Variants in CMIP observed in about 807,000 individuals in gnomAD.
CMIP encodes C-Maf-inducing protein.
A neutral mutation model predicts 97.3 loss-of-function variants in CMIP; 13 were observed. That is an observed-to-expected ratio of 0.13 (90% CI 0.09 to 0.21). CMIP has a LOEUF of 0.21. Among genes scored for constraint, CMIP ranks in the 10% least tolerant of loss-of-function variants. The pLI is 1.00. For synonymous variants in CMIP, 538 were observed against 436.3 expected (o/e 1.23, Z -2.91); for missense variants, 847 against 1,024.9 (o/e 0.83, Z 2.37).
chr16:81,476,115 C>A, intron 1 of CMIP: 1 of 875,798 alleles, frequency 1.1e-6, no homozygotes, highest in Non-Finnish European at 1.9e-6. Flanking sequence ...ACAGTCTTCA[C>A]GTCTTCTTTC....
At chr16:81,591,501 A>G (rs2091466394) in intron 1 of CMIP, among the ~76,000 whole-genome samples, 3 of 152,210 alleles carry the variant, frequency 2.0e-5, no homozygotes, top group Non-Finnish European at 4.4e-5. Flanking sequence ...TTCAAAGACA[A>G]ATGAGCTGCA....
intron 3 of CMIP, among the ~76,000 whole-genome samples, chr16:81,644,883 C>G (rs151108996): frequency 2.3e-3 from 343 of 152,270 alleles, no homozygotes; most frequent in Middle Eastern, 6.8e-3. Flanking sequence ...GCCCTTTCCT[C>G]GGGCCGAACG....
At chr16:81,551,209 G>A (rs1427070625) in intron 1 of CMIP, among the ~76,000 whole-genome samples, 12 of 121,356 alleles carry the variant, frequency 9.9e-5, no homozygotes, top group East Asian at 2.6e-4. Flanking sequence ...TCCATCACAC[G>A]CACCCCAGTT....
At position 81,505,337 on chromosome 16, in the gene CMIP, ATGT is replaced by A. The variant is rs1249224337; in HGVS notation, c.300+59804_300+59806del. On this transcript the variant is annotated intron_variant, in intron 1 of 20. Coordinates refer to ENST00000537098, the MANE Select transcript of CMIP (RefSeq NM_198390.3). ...AGAGAACTGGGCCTGTGTGGAGGCCATGTTGTTGTTTCGCTTCTGCCTGTTCTT... is the reference window on the plus strand; with the variant it reads ...AGAGAACTGGGCCTGTGTGGAGGCCATGTTGTTTCGCTTCTGCCTGTTCTT... 3.3e-5 allele frequency among the ~76,000 whole-genome samples: 5 copies of A among 152,160 alleles called. No individual in the cohort carries two copies. In the East Asian group the frequency reaches 5.8e-4, roughly 18 times the overall value.
chr16:81,527,069 G>C (rs529677425), intron 1 of CMIP, among the ~76,000 whole-genome samples: 2 of 152,310 alleles, frequency 1.3e-5, no homozygotes, highest in African/African-American at 4.8e-5. Flanking sequence ...CAACACGCGC[G>C]GGCCAGGCAG....
chr16:81,597,600 G>T (rs1023170363), intron 1 of CMIP, among the ~76,000 whole-genome samples: 17 of 151,680 alleles, frequency 1.1e-4, no homozygotes, highest in East Asian at 3.9e-4. Flanking sequence ...GAGCGGGGGG[G>T]GGGGAGTCTC....
At chr16:81,574,257 G>C (rs2091149617) in intron 1 of CMIP, among the ~76,000 whole-genome samples, 1 of 152,196 alleles carries the variant, frequency 6.6e-6, no homozygotes. Flanking sequence ...CTGTGAATCT[G>C]ATAACCCCAC....
chr16:81,557,605 C>A (rs141214899), intron 1 of CMIP, among the ~76,000 whole-genome samples: 3 of 152,100 alleles, frequency 2.0e-5, no homozygotes, highest in Non-Finnish European at 4.4e-5. Context: ...GACCTCGTTT[C>A]TACAGAAAAA....
intron 10 of CMIP, among the ~76,000 whole-genome samples, chr16:81,684,045 G>C (rs924775681): frequency 6.6e-6 from 1 of 152,212 alleles, no homozygotes; most frequent in African/African-American, 2.4e-5. Context: ...ACAGGCGTGA[G>C]CCACCACGCC....
At position 81,504,975 on chromosome 16, in the gene CMIP, C is replaced by A. The variant is rs540467335; in HGVS notation, c.300+59434C>A. 1.5e-4 allele frequency among the ~76,000 whole-genome samples: 23 copies of A among 152,380 alleles called. No individual in the cohort carries two copies. The East Asian group carries it at 4.2e-3, about 28-fold the overall frequency. On this transcript the variant is annotated intron_variant, in intron 1 of 20. Coordinates refer to ENST00000537098, the MANE Select transcript of CMIP (RefSeq NM_198390.3). Reference sequence around the variant, plus strand: ...TGCTTTAGACCCTGCTCTTTTGACCCCTTGAATCAGCCAGTGAGGCTGGGC... The same window carrying A: ...TGCTTTAGACCCTGCTCTTTTGACCACTTGAATCAGCCAGTGAGGCTGGGC...
At chr16:81,500,184 C>A (rs56823429) in intron 1 of CMIP, among the ~76,000 whole-genome samples, 117,811 of 151,922 alleles carry the variant, frequency 0.78, 46,220 homozygotes, top group African/African-American at 0.89. Flanking sequence ...GTGAACATGA[C>A]GCCATGGGCT....
chr16:81,605,225 C>A (rs900787625), intron 1 of CMIP, among the ~76,000 whole-genome samples: 1 of 152,176 alleles, frequency 6.6e-6, no homozygotes. Context: ...GGCAGGCCCA[C>A]GAGTGTGACT....
intron 1 of CMIP, among the ~76,000 whole-genome samples, chr16:81,454,112 C>T (rs1303180158): frequency 6.6e-6 from 1 of 152,146 alleles, no homozygotes; most frequent in East Asian, 1.9e-4. Flanking sequence ...GCATTTCGGC[C>T]AAGCTTGCAG....
At position 81,591,004 on chromosome 16, in the gene CMIP, C is replaced by T. The variant is rs1048822050; in HGVS notation, c.301-16563C>T. Among the ~76,000 whole-genome samples the T allele has an allele frequency of 1.4e-4, 22 of 152,380 alleles. No individual in the cohort carries two copies. In the East Asian group the frequency reaches 2.1e-3, roughly 15 times the overall value. On this transcript the variant is annotated intron_variant, in intron 1 of 20. Transcript: ENST00000537098. ...TGGCTGCTTTCACACCACAACAGCA[C>T]TGCTGACAGTTGTGAGACAGGGCAT... is the stretch of plus-strand genomic sequence containing the variant.
At chr16:81,698,145 C>G (rs532341165) in intron 14 of CMIP, 1 of 152,336 alleles carries the variant, frequency 6.6e-6, no homozygotes, top group South Asian at 2.1e-4. Context: ...AGCAGGCAGC[C>G]GCTGGATGGA....
intron 1 of CMIP, among the ~76,000 whole-genome samples, chr16:81,605,590 C>T (rs950942088): frequency 2.0e-5 from 3 of 152,208 alleles, no homozygotes; most frequent in East Asian, 1.9e-4. Context: ...TCCAACGCAT[C>T]GCTTACCCAG....
chr16:81,676,624 C>T (rs984104751), intron 9 of CMIP, among the ~76,000 whole-genome samples: 4 of 152,210 alleles, frequency 2.6e-5, no homozygotes, highest in South Asian at 2.1e-4. Flanking sequence ...ATAGAATTCT[C>T]GGACTTTAGC....
At chr16:81,579,599 G>C (rs2091260308) in intron 1 of CMIP, among the ~76,000 whole-genome samples, 1 of 150,854 alleles carries the variant, frequency 6.6e-6, no homozygotes, top group South Asian at 2.1e-4. Context: ...GGAAGAGGTA[G>C]AGGGGGCATG....
At chr16:81,693,247 C>T in intron 12 of CMIP, 63 bp downstream of exon 12, 1 of 1,502,228 alleles carries the variant, frequency 6.7e-7, no homozygotes, top group Non-Finnish European at 9.2e-7. Flanking sequence ...CTGAGGTCTT[C>T]CCTCCGTGGC....
Sources: allele counts gnomAD v4.1 joint callset (sites outside exome capture counted in the v4.1 genomes callset), GRCh38; gene constraint gnomAD v4.1.1; transcripts MANE v1.5; gene names NCBI Gene and HGNC (gene_info 2026-07-23, HGNC 2026-07-21).